Variants in STRBP observed in about 807,000 individuals in gnomAD.
STRBP encodes spermatid perinuclear RNA-binding protein.
STRBP carries 13 observed loss-of-function variants against 80.1 expected under a neutral mutation model. The ratio of observed to expected loss-of-function variants is 0.16; its 90% CI spans 0.11 to 0.26. STRBP has a LOEUF of 0.26. Ranked by LOEUF, STRBP falls within the 10% of genes least tolerant of loss-of-function variation. The pLI is 1.00. For synonymous variants in STRBP, 284 were observed against 291.2 expected (o/e 0.98, Z 0.25); for missense variants, 485 against 815.2 (o/e 0.59, Z 4.93).
intron 2 of STRBP, among the ~76,000 whole-genome samples, chr9:123,207,350 T>C (rs1202499721): frequency 6.6e-6 from 1 of 152,176 alleles, no homozygotes; most frequent in Non-Finnish European, 1.5e-5. Context: ...AGTGATCCAC[T>C]TCATCATGTC....
At chr9:123,267,962 T>C (rs1221295183) in intron 1 of STRBP, among the ~76,000 whole-genome samples, 1 of 141,818 alleles carries the variant, frequency 7.1e-6, no homozygotes, top group Non-Finnish European at 1.5e-5. Context: ...TCCTCCTCCA[T>C]TGGGCCGGAT....
At chr9:123,120,514 GAAA>G (rs2035716882), downstream of STRBP, among the ~76,000 whole-genome samples, 1 of 95,996 alleles carries the variant, frequency 1.0e-5, no homozygotes, top group Non-Finnish European at 2.1e-5. Context: ...CAGGGGCGGG[GAAA>G]GCAGGGGGGA....
intron 1 of STRBP, among the ~76,000 whole-genome samples, chr9:123,247,604 C>T (rs2040825015): frequency 6.6e-6 from 1 of 152,144 alleles, no homozygotes; most frequent in Admixed American, 6.6e-5. Flanking sequence ...GCACCCTAGG[C>T]AACTGATTAG....
At position 123,132,859 on chromosome 9, in the gene STRBP, CCAGGAG is replaced by C; in HGVS notation, c.1877_1882del (p.Ala626_Pro627del). The C allele has an allele frequency of 6.2e-7, 1 of 1,614,064 alleles. No individual in the cohort carries two copies. The highest frequency in any genetic ancestry group is 8.5e-7 in the Non-Finnish European group (1 of 1,179,972). ...TTGTACTATACCTGGAGCTATGTAG[CCAGGAG>C]CAGCTGTCGCCCCAACAAAAGCTCC... On this transcript the variant is annotated inframe_deletion, in exon 17 of 19. Coordinates refer to ENST00000348403, the MANE Select transcript of STRBP (RefSeq NM_018387.5).
intron 6 of STRBP, among the ~76,000 whole-genome samples, chr9:123,162,041 A>C (rs1467322202): frequency 6.6e-6 from 1 of 152,214 alleles, no homozygotes; most frequent in African/African-American, 2.4e-5. Context: ...TAAATATAAG[A>C]CAGCCCACTA....
intron 2 of STRBP, among the ~76,000 whole-genome samples, chr9:123,203,478 C>T (rs950690576): frequency 2.0e-5 from 3 of 152,136 alleles, no homozygotes; most frequent in Admixed American, 6.5e-5. Flanking sequence ...ATCTGATTCC[C>T]GTTAACTTCT....
intron 11 of STRBP, among the ~76,000 whole-genome samples, chr9:123,148,448 G>A (rs560593837): frequency 2.0e-5 from 3 of 152,090 alleles, no homozygotes; most frequent in South Asian, 4.2e-4. Context: ...TTTAGCAGCC[G>A]CACAGACAGC....
chr9:123,224,691 G>A (rs2040179590), intron 2 of STRBP, among the ~76,000 whole-genome samples: 1 of 152,148 alleles, frequency 6.6e-6, no homozygotes, highest in East Asian at 1.9e-4. Context: ...CTATACTGGG[G>A]TACAAAGTCC....
At chr9:123,180,890 G>T (rs1373670339) in intron 3 of STRBP, 3 of 974,744 alleles carry the variant, frequency 3.1e-6, no homozygotes, top group Middle Eastern at 5.2e-4. Flanking sequence ...GTTAGTACAT[G>T]GTAAATATTT....
Position 123,125,312 on chromosome 9 carries a change from C to T in STRBP, c.*285G>A, listed in dbSNP as rs2035850854. ...ACATAATCTGATACGTCTCTTAAAA[C>T]TTAAACTTTGAACTGCTAGACTTTT... On this transcript the variant is annotated 3_prime_UTR_variant, in exon 19 of 19. Transcript: ENST00000348403. The T allele has an allele frequency of 9.1e-7, 1 of 1,095,512 alleles. No homozygotes were observed. The highest frequency in any genetic ancestry group is 1.1e-6 in the Non-Finnish European group (1 of 901,528). The allele number at this position is 1,095,512 out of a possible 1,614,324, so 67.9% of individuals were successfully genotyped here. A position where few individuals can be genotyped will look rare whatever the true frequency, so the allele number is the denominator to read the frequency against.
In STRBP at chr9:123,126,021, A is replaced by G. The variant is rs2132294620; in HGVS notation, c.1943-348T>C. On this transcript the variant is annotated intron_variant, in intron 18 of 18. Transcript: ENST00000348403. This position sits in a 1 kb window ranked among gnomAD's most constrained non-coding sequence, Gnocchi z 4.4. ...ATTGGTTCTCAATGTGGCATATCAC[A>G]TATTCCAGGAGAAACGGGTTGTCAA... Among the ~76,000 whole-genome samples the G allele has an allele frequency of 6.6e-6, 1 of 152,366 alleles. No homozygotes were observed. The highest frequency in any genetic ancestry group is 2.1e-4 in the South Asian group (1 of 4,826).
chr9:123,251,773 G>A (rs2040922649), intron 1 of STRBP, among the ~76,000 whole-genome samples: 1 of 152,146 alleles, frequency 6.6e-6, no homozygotes, highest in African/African-American at 2.4e-5. Flanking sequence ...AAATTATTAG[G>A]CTAAGATATA....
At chr9:123,248,261 GTTTTTTT>G (rs1223848724) in intron 1 of STRBP, among the ~76,000 whole-genome samples, 3 of 75,414 alleles carry the variant, frequency 4.0e-5, no homozygotes, top group African/African-American at 5.6e-5. Flanking sequence ...CCCCTATCGT[GTTTTTTT>G]TTTTTTTTTT....
Position 123,157,998 on chromosome 9 carries a change from ACTTCCATGCTCAC to A in STRBP, c.1045+1_1045+13del. ...TGCCAACCCCCAACCCTAATAAAAA[ACTTCCATGCTCAC>A]CTTCTTTATCAGTAACTGACCAGGA... On this transcript the variant is annotated splice_donor_variant and splice_donor_5th_base_variant and intron_variant, in intron 11 of 18. Coordinates refer to ENST00000348403, the MANE Select transcript of STRBP (RefSeq NM_018387.5). LOFTEE classifies it high-confidence loss of function. 1 of 1,596,396 alleles carries A rather than the reference ACTTCCATGCTCAC, an allele frequency of 6.3e-7. No homozygotes were observed. Among genetic ancestry groups the A allele is most frequent in the South Asian group, 1.1e-5 (1 of 90,518 alleles).
At chr9:123,130,841 T>G (rs919197802) in intron 17 of STRBP, among the ~76,000 whole-genome samples, 2 of 152,106 alleles carry the variant, frequency 1.3e-5, no homozygotes, top group African/African-American at 4.8e-5. Flanking sequence ...ATATATTCAA[T>G]ACACCAATTT....
chr9:123,169,565 C>T (rs1243015044), intron 6 of STRBP, among the ~76,000 whole-genome samples: 2 of 152,058 alleles, frequency 1.3e-5, no homozygotes, highest in African/African-American at 2.4e-5. Flanking sequence ...AGCCAAAATA[C>T]ATAGAATAAG....
At position 123,123,736 on chromosome 9, in the gene STRBP, G is replaced by A; in HGVS notation, c.*1861C>T. On this transcript the variant is annotated 3_prime_UTR_variant, in exon 19 of 19. Coordinates refer to ENST00000348403, the MANE Select transcript of STRBP (RefSeq NM_018387.5). ...ATGACCAATTTCAAATAACAATACA[G>A]CCGCAGCTGCCAATTAATAGTATTC... The A allele has an allele frequency of 3.0e-6, 3 of 985,356 alleles. No homozygotes were observed. Among genetic ancestry groups the A allele is most frequent in the Non-Finnish European group, 3.6e-6 (3 of 829,924 alleles). The allele number at this position is 985,356 out of a possible 1,614,324, so 61.0% of individuals were successfully genotyped here. A position where few individuals can be genotyped will look rare whatever the true frequency, so the allele number is the denominator to read the frequency against.
At position 123,133,573 on chromosome 9, in the gene STRBP, C is replaced by T. The variant is rs898138410; in HGVS notation, c.1774-605G>A. On this transcript the variant is annotated intron_variant, in intron 16 of 18. Transcript: ENST00000348403. ...TTTTTTTTTGAGACGGAGTCTCGCT[C>T]TGTCACCCAGGCTGGAGTGCAATGG... Among the ~76,000 whole-genome samples the T allele has an allele frequency of 1.3e-5, 2 of 151,980 alleles. 1 individual carries two copies. The highest frequency in any genetic ancestry group is 4.2e-4 in the South Asian group (2 of 4,812).
chr9:123,250,222 A>G (rs888089666), intron 1 of STRBP, among the ~76,000 whole-genome samples: 4 of 152,222 alleles, frequency 2.6e-5, no homozygotes, highest in Non-Finnish European at 4.4e-5. Context: ...TCTTCTTCAT[A>G]TACTTCATCA....
Sources: gnomAD v4.1 joint callset for allele counts (sites outside exome capture counted in the v4.1 genomes callset) on GRCh38, gnomAD v4.1.1 for gene constraint, Gnocchi (gnomAD v3.1) non-coding constraint, MANE v1.5 for transcripts, NCBI Gene and HGNC (gene_info 2026-07-23, HGNC 2026-07-21) for gene names.